The following SNTG1 variants were observed in gnomAD, a reference collection of about 807,000 sequenced individuals.
SNTG1 encodes gamma-1-syntrophin.
Under a neutral mutation model 74.7 loss-of-function variants are expected in SNTG1, and 39 were observed. The ratio of observed to expected loss-of-function variants is 0.52; its 90% CI spans 0.40 to 0.68. The LOEUF (loss-of-function observed/expected upper bound fraction) is 0.68. Ranked by LOEUF, SNTG1 falls within the 30% of genes least tolerant of loss-of-function variation. SNTG1 has a pLI of 0.00. For missense variants in SNTG1, 685 were observed against 609.5 expected (o/e 1.12, Z -1.30); for synonymous variants, 254 against 217.1 (o/e 1.17, Z -1.49).
At chr8:50,574,413 C>CCTT (rs2094565599) in intron 12 of SNTG1, among the ~76,000 whole-genome samples, 1 of 151,858 alleles carries the variant, frequency 6.6e-6, no homozygotes, top group African/African-American at 2.4e-5. Flanking sequence ...TAAACGTGTG[C>CCTT]CTTAATTATA....
intron 1 of SNTG1, among the ~76,000 whole-genome samples, chr8:50,100,297 A>C (rs544652295): frequency 6.6e-6 from 1 of 152,190 alleles, no homozygotes; most frequent in South Asian, 2.1e-4. Context: ...GGAAAAGGAC[A>C]GTTTTATTAA....
At chr8:50,378,910 C>A (rs533167522) in intron 2 of SNTG1, among the ~76,000 whole-genome samples, 39 of 152,252 alleles carry the variant, frequency 2.6e-4, no homozygotes, top group Non-Finnish European at 3.1e-4. Context: ...AAAGGCACCA[C>A]AAGCTCCCAC....
At chr8:50,035,294 A>G (rs1187165084) in intron 1 of SNTG1, among the ~76,000 whole-genome samples, 2 of 152,072 alleles carry the variant, frequency 1.3e-5, no homozygotes, top group Non-Finnish European at 2.9e-5. Flanking sequence ...TCTGCGAACA[A>G]TCTTTTACTC....
At chr8:50,727,597 A>G (rs1022586036) in intron 17 of SNTG1, among the ~76,000 whole-genome samples, 3 of 152,102 alleles carry the variant, frequency 2.0e-5, no homozygotes, top group Non-Finnish European at 4.4e-5. Context: ...AAAACAAGAG[A>G]AGGGTTAGTG....
Position 50,783,648 on chromosome 8 carries a change from C to T in SNTG1, c.1396-9023C>T, listed in dbSNP as rs191592653. Among the ~76,000 whole-genome samples, 138 of 152,180 alleles carry T rather than the reference C, an allele frequency of 9.1e-4. 2 individuals carry two copies. Among genetic ancestry groups the T allele is most frequent in the Middle Eastern group, 6.8e-3 (2 of 294 alleles). On this transcript the variant is annotated intron_variant, in intron 18 of 18. Transcript: ENST00000642720. ...GGGAACTCCCTGACCCCTTGCACTT[C>T]CCGAGTGAGGCAATGCCTTGCCCTG...
At chr8:50,350,299 G>T (rs2091615122) in intron 2 of SNTG1, among the ~76,000 whole-genome samples, 1 of 152,310 alleles carries the variant, frequency 6.6e-6, no homozygotes, top group Middle Eastern at 3.4e-3. Context: ...GGGCTGAGGA[G>T]TGTGGGCGCA....
chr8:50,173,482 T>G (rs1425455240), intron 2 of SNTG1, among the ~76,000 whole-genome samples: 2 of 152,202 alleles, frequency 1.3e-5, no homozygotes, highest in Non-Finnish European at 2.9e-5. Flanking sequence ...GTATACTGTG[T>G]GCATATTTAT....
chr8:49,940,014 G>A (rs1323544793), intron 1 of SNTG1, among the ~76,000 whole-genome samples: 1 of 152,154 alleles, frequency 6.6e-6, no homozygotes, highest in Non-Finnish European at 1.5e-5. Flanking sequence ...ATTTGAATTC[G>A]ACATAGCATG....
intron 2 of SNTG1, among the ~76,000 whole-genome samples, chr8:50,257,032 T>C (rs2086915980): frequency 6.6e-6 from 1 of 151,290 alleles, no homozygotes; most frequent in Non-Finnish European, 1.5e-5. Flanking sequence ...CTCTTAGGAG[T>C]TCAGTTTAAA....
chr8:50,560,515 A>G (rs959048230), intron 12 of SNTG1, among the ~76,000 whole-genome samples: 1 of 152,254 alleles, frequency 6.6e-6, no homozygotes, highest in Non-Finnish European at 1.5e-5. Context: ...TGGTACATAT[A>G]CACCATGGAA....
intron 1 of SNTG1, among the ~76,000 whole-genome samples, chr8:50,138,510 A>G (rs1052791550): frequency 3.3e-5 from 5 of 151,754 alleles, no homozygotes; most frequent in African/African-American, 1.2e-4. Context: ...CTGTAATCCC[A>G]GCTACTCAGG....
intron 8 of SNTG1, among the ~76,000 whole-genome samples, chr8:50,499,699 G>T (rs1162512663): frequency 6.6e-6 from 1 of 151,504 alleles, no homozygotes; most frequent in East Asian, 1.9e-4. Flanking sequence ...GCCAGTTTGA[G>T]GAAGTTCCGT....
Position 50,340,931 on chromosome 8 carries a change from G to C in SNTG1, c.-27-53281G>C. Reference sequence around the variant, plus strand: ...CAGAGTTCAAAGTAAAGCACAAATTGCTTCACTTGTTCACACACAAAAAAA... The same window carrying C: ...CAGAGTTCAAAGTAAAGCACAAATTCCTTCACTTGTTCACACACAAAAAAA... On this transcript the variant is annotated intron_variant, in intron 2 of 18. Coordinates refer to ENST00000642720, the MANE Select transcript of SNTG1 (RefSeq NM_018967.5). 2.0e-5 allele frequency among the ~76,000 whole-genome samples: 3 copies of C among 151,950 alleles called. No homozygotes were observed. The Middle Eastern group carries it at 0.01, about 517-fold the overall frequency.
At chr8:49,918,182 A>T (rs1428351858) in intron 1 of SNTG1, among the ~76,000 whole-genome samples, 1 of 152,206 alleles carries the variant, frequency 6.6e-6, no homozygotes, top group Admixed American at 6.5e-5. Flanking sequence ...TACAATTTTA[A>T]AATAAATAAA....
chr8:49,995,733 C>A (rs1317673444), intron 1 of SNTG1, among the ~76,000 whole-genome samples: 4 of 152,220 alleles, frequency 2.6e-5, no homozygotes, highest in Admixed American at 6.5e-5. Flanking sequence ...TAGAGGAGCA[C>A]ACCCTCTGCG....
intron 8 of SNTG1, among the ~76,000 whole-genome samples, chr8:50,462,379 T>C (rs1252550033): frequency 2.9e-5 from 4 of 138,796 alleles, no homozygotes; most frequent in Non-Finnish European, 6.5e-5. Flanking sequence ...AGTCATAATC[T>C]TTTTGCTGGG....
At chr8:50,340,922 G>A (rs1334371565) in intron 2 of SNTG1, among the ~76,000 whole-genome samples, 3 of 151,838 alleles carry the variant, frequency 2.0e-5, no homozygotes, top group African/African-American at 7.2e-5. Flanking sequence ...TCAAAGTAAA[G>A]CACAAATTGC....
chr8:50,326,108 T>C (rs2090737085), intron 2 of SNTG1, among the ~76,000 whole-genome samples: 1 of 152,088 alleles, frequency 6.6e-6, no homozygotes, highest in Admixed American at 6.5e-5. Flanking sequence ...TTGTATACAC[T>C]GTTGGATTTT....
chr8:50,713,870 C>T (rs533020543), intron 17 of SNTG1, among the ~76,000 whole-genome samples: 53 of 151,948 alleles, frequency 3.5e-4, no homozygotes, highest in African/African-American at 1.3e-3. Flanking sequence ...CCAGCATGAC[C>T]AACATAATGA....
Sources: allele counts gnomAD v4.1 joint callset (sites outside exome capture counted in the v4.1 genomes callset), GRCh38; gene constraint gnomAD v4.1.1; transcripts MANE v1.5; gene names NCBI Gene and HGNC (gene_info 2026-07-23, HGNC 2026-07-21).